Variants in FIGNL2 observed in about 807,000 individuals in gnomAD.
FIGNL2 encodes fidgetin like 2.
For synonymous variants in FIGNL2, 565 were observed against 484.0 expected, an observed-to-expected ratio of 1.17 and a Z score of -2.20; for missense variants, 1,060 against 950.2, an observed-to-expected ratio of 1.12 and a Z score of -1.52.
intron 1 of FIGNL2, among the ~76,000 whole-genome samples, chr12:51,826,944 G>C (rs1939358105): frequency 1.3e-5 from 2 of 152,258 alleles, no homozygotes; most frequent in Non-Finnish European, 2.9e-5. Context: ...AGGCACATGT[G>C]CATATGTTCA....
chr12:51,848,044 T>C (rs971429886), intron 1 of FIGNL2: 30 of 822,664 alleles, frequency 3.6e-5, no homozygotes, highest in Non-Finnish European at 4.1e-5. Flanking sequence ...GTCACCATGC[T>C]GGGGAATCTC....
chr12:51,839,747 A>T (rs1939630522), intron 1 of FIGNL2, among the ~76,000 whole-genome samples: 1 of 152,100 alleles, frequency 6.6e-6, no homozygotes, highest in East Asian at 1.9e-4. Context: ...CCCAATTTAG[A>T]GGTGACATCA....
At position 51,845,467 on chromosome 12, in the gene FIGNL2, C is replaced by A. The variant is rs976123870; in HGVS notation, c.-12+3073G>T. ...GACCTCTTGTGGCTCACCGCCCCCC[C>A]CCCACAGTCTCTGTCCCCTGAAGGG... On this transcript the variant is annotated intron_variant, in intron 1 of 1. Transcript: ENST00000618634. 4 of 985,224 alleles carry A rather than the reference C, an allele frequency of 4.1e-6. No homozygotes were observed. The Admixed American group carries it at 1.8e-4, about 45-fold the overall frequency. 61.0% of individuals were successfully genotyped at this position (985,224 alleles called of 1,614,324 possible). A position where few individuals can be genotyped will look rare whatever the true frequency, so the allele number is the denominator to read the frequency against.
In FIGNL2 at chr12:51,818,453, G is replaced by A. The variant is rs1357175971; in HGVS notation, c.*1999C>T. Reference sequence around the variant, plus strand: ...TCCCTCCGAGGGTCTTTTGCAGCCTGCGGCTGTGACCCGGCAGCCCACTGC... The same window carrying A: ...TCCCTCCGAGGGTCTTTTGCAGCCTACGGCTGTGACCCGGCAGCCCACTGC... On this transcript the variant is annotated 3_prime_UTR_variant, in exon 2 of 2. Transcript: ENST00000618634. The A allele has an allele frequency of 6.6e-6, 1 of 151,952 alleles. No individual in the cohort carries two copies. The highest frequency in any genetic ancestry group is 1.5e-5 in the Non-Finnish European group (1 of 68,068). The allele number at this position is 151,952 out of a possible 1,614,324, so 9.4% of individuals were successfully genotyped here.
chr12:51,822,136 T>G lies in FIGNL2; in HGVS notation c.278A>C (p.Lys93Thr). 1 of 1,611,160 alleles carries G rather than the reference T, an allele frequency of 6.2e-7. No homozygotes were observed. Among genetic ancestry groups the G allele is most frequent in the South Asian group, 1.1e-5 (1 of 90,468 alleles). ...CCCTGGCCAGGGCTCGGGATCCCCT[T>G]TGGCGCCGTTGAGGAAGGAGGCGTC... The part of the protein sequence containing the change: ...YSDASFLNGA[K>T]GDPEPWPGPE... Residue 93 changes from lysine (K) to threonine (T), a missense_variant, in exon 2 of 2, where the codon AAA (lysine) becomes ACA (threonine). Coordinates refer to ENST00000618634, the MANE Select transcript of FIGNL2 (RefSeq NM_001384995.1).
At position 51,820,341 on chromosome 12, in the gene FIGNL2, C is replaced by T. The variant is rs1027714543; in HGVS notation, c.*111G>A. ...GGCAGACCCCTCCTGTCCCCGATCC[C>T]ACATTCACCACTCCAGCCCCTGCCA... On this transcript the variant is annotated 3_prime_UTR_variant, in exon 2 of 2. Transcript: ENST00000618634. 1.7e-5 allele frequency: 23 copies of T among 1,387,556 alleles called. No homozygotes were observed. In the African/African-American group the frequency reaches 3.2e-4, roughly 19 times the overall value. The allele number at this position is 1,387,556 out of a possible 1,614,324, so 86.0% of individuals were successfully genotyped here.
At chr12:51,839,416 C>T (rs1257289852) in intron 1 of FIGNL2, among the ~76,000 whole-genome samples, 1 of 152,182 alleles carries the variant, frequency 6.6e-6, no homozygotes, top group Non-Finnish European at 1.5e-5. Flanking sequence ...CTCTCTAAAA[C>T]AACCCACAGC....
chr12:51,846,033 T>A (rs1268005723), intron 1 of FIGNL2, among the ~76,000 whole-genome samples: 1 of 152,172 alleles, frequency 6.6e-6, no homozygotes, highest in Non-Finnish European at 1.5e-5. Context: ...AGCACAGAGC[T>A]GTTTACCTGA....
rs957129125 is a variant in FIGNL2 at position 51,821,256 on chromosome 12, C to T, written c.1158G>A (p.Gly386=). The change falls in exon 2 of 2, where the codon GGG becomes GGA. Residue 386 remains glycine, a synonymous_variant. Transcript: ENST00000618634. Reference sequence around the variant, plus strand: ...CCACATCCGCCCACTGCACCGGGGGCCCGCAGTCCACCATCTTGCTCGTCA... The same window carrying T: ...CCACATCCGCCCACTGCACCGGGGGTCCGCAGTCCACCATCTTGCTCGTCA... ...ELVTSKMVDC[G]PPVQWADVAG... The T allele has an allele frequency of 3.9e-6, 6 of 1,526,132 alleles. No homozygotes were observed. In the African/African-American group the frequency reaches 4.2e-5, roughly 11 times the overall value. 94.5% of individuals were successfully genotyped at this position (1,526,132 alleles called of 1,614,324 possible). A position where few individuals can be genotyped will look rare whatever the true frequency, so the allele number is the denominator to read the frequency against.
At chr12:51,835,805 C>CTTTTT (rs34284176) in intron 1 of FIGNL2, among the ~76,000 whole-genome samples, 1 of 140,004 alleles carries the variant, frequency 7.1e-6, no homozygotes, top group African/African-American at 2.7e-5. Context: ...ATCTAGACTT[C>CTTTTT]TTTTTTTTTT....
intron 1 of FIGNL2, among the ~76,000 whole-genome samples, chr12:51,829,114 A>AG (rs1939402964): frequency 6.6e-6 from 1 of 152,260 alleles, no homozygotes; most frequent in African/African-American, 2.4e-5. Flanking sequence ...GGTGTGGAGA[A>AG]GGGGCCATGC....
In FIGNL2 at chr12:51,821,329, G is replaced by C; in HGVS notation, c.1085C>G (p.Pro362Arg). Residue 362 changes from proline to arginine, a missense_variant, in exon 2 of 2, where the codon CCG becomes CGG. By Grantham distance (103) the Pro-to-Arg change is moderately radical. Coordinates refer to ENST00000618634, the MANE Select transcript of FIGNL2 (RefSeq NM_001384995.1). ...APAPRGGFAV[P>R]SGETPKGVDP... is the part of the protein sequence containing the mutation. ...CACGCCTTTGGGAGTCTCCCCCGAC[G>C]GCACGGCGAACCCCCCACGAGGAGC... 1 of 1,503,578 alleles carries C rather than the reference G, an allele frequency of 6.7e-7. No individual in the cohort carries two copies. The highest frequency in any genetic ancestry group is 8.8e-7 in the Non-Finnish European group (1 of 1,131,686). 93.1% of individuals were successfully genotyped at this position (1,503,578 alleles called of 1,614,324 possible).
In FIGNL2 at chr12:51,822,000, G is replaced by T; in HGVS notation, c.414C>A (p.Asn138Lys). 6.3e-7 allele frequency: 1 copy of T among 1,589,658 alleles called. No homozygotes were observed. The highest frequency in any genetic ancestry group is 8.6e-7 in the Non-Finnish European group (1 of 1,169,118). Residue 138 changes from asparagine (N) to lysine (K), a missense_variant, in exon 2 of 2, where the codon AAC (asparagine) becomes AAA (lysine). By Grantham distance (94) the Asn-to-Lys change is moderately conservative. Transcript: ENST00000618634. Reference sequence around the variant, plus strand: ...TGCCGGCGTAGAGGGGTTCAGGGAGGTTCCCGGCTAAAACTGGGGAGCCCC... The same window carrying T: ...TGCCGGCGTAGAGGGGTTCAGGGAGTTTCCCGGCTAAAACTGGGGAGCCCC... ...ALGGSPVLAG[N>K]LPEPLYAGNA... is the part of the protein sequence containing the mutation.
intron 1 of FIGNL2, among the ~76,000 whole-genome samples, chr12:51,842,444 G>A (rs906970271): frequency 4.6e-5 from 7 of 152,200 alleles, no homozygotes; most frequent in Non-Finnish European, 8.8e-5. Context: ...GCTGGGTGGG[G>A]AGGGAGCCGC....
rs1223983357 is a variant in FIGNL2 at position 51,821,855 on chromosome 12, GCGCGGC to G, written c.553_558del (p.Ala185_Ala186del). On this transcript the variant is annotated inframe_deletion, in exon 2 of 2. Transcript: ENST00000618634. Reference sequence around the variant, plus strand: ...CCCGGAGGCGGTGGGGGCTGCAGGAGCGCGGCCGGGGGCGGCGGGGGCAGCGCGGCG... The same window carrying G: ...CCCGGAGGCGGTGGGGGCTGCAGGAGCGGGGGCGGCGGGGGCAGCGCGGCG... 4 of 1,293,698 alleles carry G rather than the reference GCGCGGC, an allele frequency of 3.1e-6. No homozygotes were observed. The South Asian group carries it at 1.1e-4, about 37-fold the overall frequency. 80.1% of individuals were successfully genotyped at this position (1,293,698 alleles called of 1,614,324 possible). A position where few individuals can be genotyped will look rare whatever the true frequency, so the allele number is the denominator to read the frequency against.
intron 1 of FIGNL2, among the ~76,000 whole-genome samples, chr12:51,833,359 C>G (rs974624389): frequency 6.6e-6 from 1 of 152,150 alleles, no homozygotes; most frequent in African/African-American, 2.4e-5. Context: ...GGCCTCACTT[C>G]CATCTCACCT....
chr12:51,841,239 G>T (rs929165225), intron 1 of FIGNL2, among the ~76,000 whole-genome samples: 3 of 68,350 alleles, frequency 4.4e-5, no homozygotes, highest in Non-Finnish European at 7.8e-5. Context: ...AAAAGATACT[G>T]GGGGGAGGGT....
Position 51,822,168 on chromosome 12 carries a change from C to T in FIGNL2, c.246G>A (p.Gly82=). 6.2e-7 allele frequency: 1 copy of T among 1,611,664 alleles called. No individual in the cohort carries two copies. Among genetic ancestry groups the T allele is most frequent in the East Asian group, 2.2e-5 (1 of 44,782 alleles). ...DSPYERPALG[G]YSDASFLNGA... is the part of the protein sequence containing the mutation. ...CGTTGAGGAAGGAGGCGTCGCTGTA[C>T]CCGCCCAGGGCCGGACGCTCGTAGG... Residue 82 remains glycine, a synonymous_variant, in exon 2 of 2, where the codon GGG becomes GGA. Coordinates refer to ENST00000618634, the MANE Select transcript of FIGNL2 (RefSeq NM_001384995.1).
In FIGNL2 at chr12:51,822,200, C is replaced by T; in HGVS notation, c.214G>A (p.Asp72Asn). 1.2e-6 allele frequency: 2 copies of T among 1,611,854 alleles called. No individual in the cohort carries two copies. Among genetic ancestry groups the T allele is most frequent in the Non-Finnish European group, 1.7e-6 (2 of 1,179,120 alleles). The change falls in exon 2 of 2, where the codon GAT (aspartate) becomes AAT (asparagine). Residue 72 changes from aspartate (D) to asparagine (N), a missense_variant. By Grantham distance (23) the Asp-to-Asn change is conservative. Coordinates refer to ENST00000618634, the MANE Select transcript of FIGNL2 (RefSeq NM_001384995.1). ...RYAEKYSGVL[D>N]SPYERPALGG... ...AGGGCCGGACGCTCGTAGGGAGAATCCAAGACCCCAGAGTACTTCTCTGCA... is the reference window on the plus strand; with the variant it reads ...AGGGCCGGACGCTCGTAGGGAGAATTCAAGACCCCAGAGTACTTCTCTGCA...
Sources: allele counts gnomAD v4.1 joint callset (sites outside exome capture counted in the v4.1 genomes callset), GRCh38; gene constraint gnomAD v4.1.1; transcripts MANE v1.5; gene names NCBI Gene and HGNC (gene_info 2026-07-23, HGNC 2026-07-21).